CDYL2: variants seen among roughly 807,000 people sequenced by gnomAD.
CDYL2 encodes the protein chromodomain Y like 2.
Under a neutral mutation model 49.4 loss-of-function variants are expected in CDYL2, and 23 were observed. The observed-to-expected ratio is 0.47, with a 90% confidence interval of 0.34 to 0.66. CDYL2 has a LOEUF of 0.66. Ranked by LOEUF, CDYL2 falls within the 30% of genes least tolerant of loss-of-function variation. The pLI, the probability that CDYL2 is intolerant of heterozygous loss-of-function variation, is 0.01. For synonymous variants in CDYL2, 360 were observed against 268.8 expected (o/e 1.34, Z -3.32); for missense variants, 678 against 656.4 (o/e 1.03, Z -0.36).
chr16:80,608,558 C>T (rs1375722841), intron 5 of CDYL2, among the ~76,000 whole-genome samples: 1 of 152,136 alleles, frequency 6.6e-6, no homozygotes, highest in Non-Finnish European at 1.5e-5. Context: ...GAGCCGATGA[C>T]CCAGCCGTGA....
intron 2 of CDYL2, among the ~76,000 whole-genome samples, chr16:80,638,339 T>C (rs1460621442): frequency 6.6e-6 from 1 of 152,184 alleles, no homozygotes; most frequent in Non-Finnish European, 1.5e-5. Context: ...GCTCCCAAAG[T>C]GCTGGGATTA....
chr16:80,750,006 G>A (rs1000938474), intron 1 of CDYL2, among the ~76,000 whole-genome samples: 7 of 150,692 alleles, frequency 4.6e-5, no homozygotes, highest in African/African-American at 1.5e-4. Flanking sequence ...AACACCACAT[G>A]TTCTCACTCA....
chr16:80,688,799 T>C (rs1373338648), intron 1 of CDYL2, among the ~76,000 whole-genome samples: 1 of 152,230 alleles, frequency 6.6e-6, no homozygotes, highest in African/African-American at 2.4e-5. Context: ...CCAAGTCGTT[T>C]AGGACTTGAC....
Position 80,756,637 on chromosome 16 carries a change from C to G in CDYL2, c.24+47513G>C, listed in dbSNP as rs539474494. On this transcript the variant is annotated intron_variant, in intron 1 of 6. Coordinates refer to ENST00000570137, the MANE Select transcript of CDYL2 (RefSeq NM_152342.4). ...TCAGACGACAGTAAAAAAAGGAACA[C>G]TTTTCCACTCATTTTATAACATTTA... is the stretch of plus-strand genomic sequence containing the variant. Among the ~76,000 whole-genome samples, 23 of 152,168 alleles carry G rather than the reference C, an allele frequency of 1.5e-4. No individual in the cohort carries two copies. The South Asian group carries it at 4.1e-3, about 27-fold the overall frequency.
intron 2 of CDYL2, among the ~76,000 whole-genome samples, chr16:80,672,758 C>G (rs1316301794): frequency 1.3e-5 from 2 of 152,300 alleles, no homozygotes; most frequent in East Asian, 3.9e-4. Context: ...CAACCTACTT[C>G]ATAGAATTGT....
At chr16:80,748,921 GA>G (rs1259417935) in intron 1 of CDYL2, among the ~76,000 whole-genome samples, 1 of 152,132 alleles carries the variant, frequency 6.6e-6, no homozygotes, top group Admixed American at 6.5e-5. Context: ...AAAAGTCATA[GA>G]AGGGGCTAAT....
chr16:80,622,291 T>C (rs1907116482), intron 3 of CDYL2, among the ~76,000 whole-genome samples: 1 of 152,196 alleles, frequency 6.6e-6, no homozygotes, highest in Admixed American at 6.5e-5. Flanking sequence ...ACGTCTTCCC[T>C]GGGCCAAGCC....
intron 2 of CDYL2, among the ~76,000 whole-genome samples, chr16:80,678,171 T>A (rs1175313861): frequency 6.6e-6 from 1 of 152,220 alleles, no homozygotes; most frequent in African/African-American, 2.4e-5. Flanking sequence ...GAAGAAAACC[T>A]AGGCATTACT....
intron 1 of CDYL2, among the ~76,000 whole-genome samples, chr16:80,686,744 C>G (rs890269230): frequency 6.6e-6 from 1 of 152,234 alleles, no homozygotes; most frequent in African/African-American, 2.4e-5. Flanking sequence ...AAACCACTTT[C>G]TTTGCCTTGC....
At position 80,713,370 on chromosome 16, in the gene CDYL2, A is replaced by G. The variant is rs566248703; in HGVS notation, c.25-28241T>C. 2.6e-5 allele frequency among the ~76,000 whole-genome samples: 4 copies of G among 152,334 alleles called. No homozygotes were observed. The South Asian group carries it at 8.3e-4, about 32-fold the overall frequency. ...AGATTGTCACATGCCATTTGTAGACACACCTCCAGAAGACTGGTAGCATTT... is the reference window on the plus strand; with the variant it reads ...AGATTGTCACATGCCATTTGTAGACGCACCTCCAGAAGACTGGTAGCATTT... On this transcript the variant is annotated intron_variant, in intron 1 of 6. Coordinates refer to ENST00000570137, the MANE Select transcript of CDYL2 (RefSeq NM_152342.4).
intron 1 of CDYL2, among the ~76,000 whole-genome samples, chr16:80,782,024 G>A (rs1317608264): frequency 6.6e-6 from 1 of 151,622 alleles, no homozygotes; most frequent in Non-Finnish European, 1.5e-5. Context: ...AAAGCTTGTA[G>A]AAAGAAGTAA....
intron 2 of CDYL2, chr16:80,671,019 C>A (rs1909480517): frequency 2.2e-6 from 1 of 455,948 alleles, no homozygotes. Context: ...TCTAACCAGT[C>A]TAGGGTTGTG....
At chr16:80,715,590 C>A (rs74028401) in intron 1 of CDYL2, among the ~76,000 whole-genome samples, 3,099 of 152,280 alleles carry the variant, frequency 0.02, 105 homozygotes, top group African/African-American at 0.072. Flanking sequence ...TCCCTTTCCT[C>A]CACTCTCACA....
At chr16:80,650,261 C>A (rs770350050) in intron 2 of CDYL2, among the ~76,000 whole-genome samples, 14 of 152,134 alleles carry the variant, frequency 9.2e-5, no homozygotes, top group Non-Finnish European at 2.1e-4. Flanking sequence ...GGAGCTCAAA[C>A]AACTCTATTG....
chr16:80,617,930 C>T (rs1406049494), intron 4 of CDYL2, among the ~76,000 whole-genome samples: 5 of 152,312 alleles, frequency 3.3e-5, no homozygotes, highest in South Asian at 4.1e-4. Context: ...TCAAAAGATG[C>T]GCTGGCCCCA....
intron 1 of CDYL2, among the ~76,000 whole-genome samples, chr16:80,743,239 C>T (rs1182741022): frequency 3.3e-5 from 5 of 152,218 alleles, no homozygotes; most frequent in Non-Finnish European, 2.9e-5. Flanking sequence ...AAACCCAATA[C>T]TTCTGCTCCC....
intron 3 of CDYL2, among the ~76,000 whole-genome samples, chr16:80,623,009 C>T (rs2142378540): frequency 6.6e-6 from 1 of 152,304 alleles, no homozygotes; most frequent in Admixed American, 6.5e-5. Flanking sequence ...TTTCTCAAAG[C>T]AACATGTCAG....
At chr16:80,762,229 T>C (rs566183438) in intron 1 of CDYL2, among the ~76,000 whole-genome samples, 2 of 152,196 alleles carry the variant, frequency 1.3e-5, no homozygotes, top group South Asian at 4.1e-4. Context: ...ACATCTATTG[T>C]CCAGAAGCGC....
intron 1 of CDYL2, among the ~76,000 whole-genome samples, chr16:80,711,621 C>A (rs1038719295): frequency 6.6e-6 from 1 of 152,154 alleles, no homozygotes; most frequent in Admixed American, 6.5e-5. Flanking sequence ...ACAGCAAATT[C>A]CTCTACCTCT....
Sources: gnomAD v4.1 joint callset for allele counts (sites outside exome capture counted in the v4.1 genomes callset) on GRCh38, gnomAD v4.1.1 for gene constraint, MANE v1.5 for transcripts, NCBI Gene and HGNC (gene_info 2026-07-23, HGNC 2026-07-21) for gene names.